DYNC2H1: variants seen among roughly 807,000 people sequenced by gnomAD.
DYNC2H1 encodes the protein cytoplasmic dynein 2 heavy chain 1.
A neutral mutation model predicts 570.0 loss-of-function variants in DYNC2H1; 410 were observed. The ratio of observed to expected loss-of-function variants is 0.72; its 90% CI spans 0.66 to 0.78. The LOEUF (loss-of-function observed/expected upper bound fraction) is 0.78. DYNC2H1 is among the 30% of genes least tolerant of loss of function. The pLI is 0.00. For synonymous variants in DYNC2H1, 1,688 were observed against 1,677.6 expected, an observed-to-expected ratio of 1.01 and a Z score of -0.15; for missense variants, 4,865 against 5,046.4, an observed-to-expected ratio of 0.96 and a Z score of 1.09.
At chr11:103,150,696 T>A (rs1452006232) in intron 20 of DYNC2H1, among the ~76,000 whole-genome samples, 3 of 152,126 alleles carry the variant, frequency 2.0e-5, no homozygotes, top group African/African-American at 7.2e-5. Context: ...TGGTAGATAA[T>A]AAACAAAGGG....
chr11:103,271,016 G>A (rs560054629), intron 70 of DYNC2H1, among the ~76,000 whole-genome samples: 6 of 152,212 alleles, frequency 3.9e-5, no homozygotes, highest in South Asian at 2.1e-4. Flanking sequence ...TGTCTGTGCC[G>A]CTCACCTTGC....
chr11:103,120,996 A>G lies in DYNC2H1; in HGVS notation c.1320A>G (p.Glu440=). The G allele has an allele frequency of 6.3e-7, 1 of 1,591,228 alleles. No individual in the cohort carries two copies. The highest frequency in any genetic ancestry group is 8.6e-7 in the Non-Finnish European group (1 of 1,169,588). ...CTATAAGCAAAGAATTGATGTTAGAAAGAGAAACTTTACTGGCAAGACTTG... is the reference window on the plus strand; with the variant it reads ...CTATAAGCAAAGAATTGATGTTAGAGAGAGAAACTTTACTGGCAAGACTTG... ...RPTISKELML[E]RETLLARLVD... is the part of the protein sequence containing the mutation. Residue 440 remains glutamate (E), a synonymous_variant, in exon 9 of 89, where the codon GAA becomes GAG. Coordinates refer to ENST00000375735, the MANE Select transcript of DYNC2H1 (RefSeq NM_001377.3).
At chr11:103,153,243 T>C (rs1860653031) in intron 21 of DYNC2H1, 60 bp from the exon 22 acceptor site, 6 of 1,399,802 alleles carry the variant, frequency 4.3e-6, no homozygotes, top group Non-Finnish European at 5.7e-6. Flanking sequence ...GAAAGAAAAG[T>C]ATGAACCCAA....
rs568462637 is a variant in DYNC2H1 at position 103,430,508 on chromosome 11, T to C, written c.12367-5435T>C. On this transcript the variant is annotated intron_variant, in intron 84 of 88. Coordinates refer to ENST00000375735, the MANE Select transcript of DYNC2H1 (RefSeq NM_001377.3). The stretch of plus-strand genomic sequence containing the variant: ...TTAACTCACCTCCCTGATTGCAGTT[T>C]CGTCTTCCTAATGTTGTTCTTCCCA... Among the ~76,000 whole-genome samples, 10 of 152,256 alleles carry C rather than the reference T, an allele frequency of 6.6e-5. No individual in the cohort carries two copies. The East Asian group carries it at 1.9e-3, about 29-fold the overall frequency.
rs993524832 is a variant in DYNC2H1, at chr11:103,275,678, T to G, written c.10696-4670T>G. ...TGTACGTTTAAGGTTCTTTCATGTTTTTTTCATGGTGTAATATCTCATTTC... is the reference window on the plus strand; with the variant it reads ...TGTACGTTTAAGGTTCTTTCATGTTGTTTTCATGGTGTAATATCTCATTTC... On this transcript the variant is annotated intron_variant, in intron 70 of 88. Coordinates refer to ENST00000375735, the MANE Select transcript of DYNC2H1 (RefSeq NM_001377.3). The surrounding 1 kb of genome is among the most constrained non-coding windows in gnomAD (Gnocchi z 4.8). Among the ~76,000 whole-genome samples the G allele has an allele frequency of 2.0e-5, 3 of 152,206 alleles. No homozygotes were observed. Among genetic ancestry groups the G allele is most frequent in the Non-Finnish European group, 4.4e-5 (3 of 68,034 alleles).
Position 103,129,274 on chromosome 11 carries a change from T to G in DYNC2H1, c.1953+269T>G, listed in dbSNP as rs936058016. ...TGTATGATGTTATGTTCATTTATCCTCTGAAGTTTGAGGTCCTTATACACA... is the reference window on the plus strand; with the variant it reads ...TGTATGATGTTATGTTCATTTATCCGCTGAAGTTTGAGGTCCTTATACACA... On this transcript the variant is annotated intron_variant, in intron 13 of 88. Coordinates refer to ENST00000375735, the MANE Select transcript of DYNC2H1 (RefSeq NM_001377.3). The surrounding 1 kb of genome is among the most constrained non-coding windows in gnomAD (Gnocchi z 4.1). Among the ~76,000 whole-genome samples, 2 of 152,226 alleles carry G rather than the reference T, an allele frequency of 1.3e-5. No individual in the cohort carries two copies. The highest frequency in any genetic ancestry group is 1.3e-4 in the Admixed American group (2 of 15,282).
At position 103,393,515 on chromosome 11, in the gene DYNC2H1, A is replaced by G. The variant is rs573471781; in HGVS notation, c.12157-6148A>G. 1.8e-4 allele frequency among the ~76,000 whole-genome samples: 27 copies of G among 152,338 alleles called. No homozygotes were observed. In the Middle Eastern group the frequency reaches 0.017, roughly 96 times the overall value. On this transcript the variant is annotated intron_variant, in intron 83 of 88. Coordinates refer to ENST00000375735, the MANE Select transcript of DYNC2H1 (RefSeq NM_001377.3). ...TGCTTTAAAATTATTTACTCATTTC[A>G]TATGCCTTGAAAGTTTCATAGTTTT...
intron 65 of DYNC2H1, among the ~76,000 whole-genome samples, chr11:103,248,668 T>C (rs1864714983): frequency 6.6e-6 from 1 of 152,068 alleles, no homozygotes; most frequent in African/African-American, 2.4e-5. Context: ...CACCCCTGCC[T>C]GGTGTAAAAA....
chr11:103,226,817 T>C (rs780868702), intron 59 of DYNC2H1, among the ~76,000 whole-genome samples: 2 of 152,100 alleles, frequency 1.3e-5, no homozygotes, highest in African/African-American at 2.4e-5. Flanking sequence ...TCTTATAGAA[T>C]TAAGCTGTGA....
chr11:103,216,015 G>T, intron 55 of DYNC2H1, 157 bp downstream of exon 55: 4 of 887,950 alleles, frequency 4.5e-6, no homozygotes, highest in Non-Finnish European at 6.5e-6. Flanking sequence ...TTTGTGGAAG[G>T]GCATGGTATT....
In DYNC2H1 at chr11:103,134,301, C is replaced by T; in HGVS notation, c.2107-20C>T. On this transcript the variant is annotated intron_variant, in intron 14 of 88. Coordinates refer to ENST00000375735, the MANE Select transcript of DYNC2H1 (RefSeq NM_001377.3). ...TTTTCCAGCAATACTTTGAGACTAG[C>T]ATGCTCTAATTTTTCATAGGTGGTT... is the stretch of plus-strand genomic sequence containing the variant. The T allele has an allele frequency of 6.2e-7, 1 of 1,607,656 alleles. No individual in the cohort carries two copies. Among genetic ancestry groups the T allele is most frequent in the Non-Finnish European group, 8.5e-7 (1 of 1,174,798 alleles).
In DYNC2H1 at chr11:103,245,597, C is replaced by T. The variant is rs538473010; in HGVS notation, c.10042+223C>T. 4.1e-4 allele frequency among the ~76,000 whole-genome samples: 62 copies of T among 152,122 alleles called. No homozygotes were observed. The highest frequency in any genetic ancestry group is 1.3e-3 in the Admixed American group (20 of 15,256). On this transcript the variant is annotated intron_variant, in intron 65 of 88. Transcript: ENST00000375735. This position sits in a 1 kb window ranked among gnomAD's most constrained non-coding sequence, Gnocchi z 4.5. The stretch of plus-strand genomic sequence containing the variant: ...CCCATAGTTTACTGGGGGTTGATTA[C>T]GTAAGCACACTCTCCCTAGCACATT...
At chr11:103,466,984 C>A (rs1336415065) in intron 87 of DYNC2H1, among the ~76,000 whole-genome samples, 1 of 151,696 alleles carries the variant, frequency 6.6e-6, no homozygotes, top group African/African-American at 2.4e-5. Flanking sequence ...AAATATTCAC[C>A]AGCAGAAAAA....
intron 1 of DYNC2H1, among the ~76,000 whole-genome samples, chr11:103,112,775 G>C (rs1317723994): frequency 6.6e-6 from 1 of 152,040 alleles, no homozygotes. Context: ...TTCTTTTCCT[G>C]AAAAAAGAAA....
intron 83 of DYNC2H1, among the ~76,000 whole-genome samples, chr11:103,389,419 T>C (rs1942036686): frequency 6.6e-6 from 1 of 152,242 alleles, no homozygotes; most frequent in Admixed American, 6.5e-5. Context: ...TAGCAGTCTA[T>C]CAATTTTGTT....
At chr11:103,453,435 TTTG>T (rs1254323104) in intron 85 of DYNC2H1, among the ~76,000 whole-genome samples, 1 of 151,840 alleles carries the variant, frequency 6.6e-6, no homozygotes, top group Non-Finnish European at 1.5e-5. Flanking sequence ...TAAAATAATC[TTTG>T]TTATTTATTT....
At chr11:103,399,036 G>T (rs1942510098) in intron 83 of DYNC2H1, among the ~76,000 whole-genome samples, 1 of 151,390 alleles carries the variant, frequency 6.6e-6, no homozygotes, top group South Asian at 2.1e-4. Context: ...TGATCTCTTT[G>T]CATTGACTTA....
At chr11:103,391,425 C>T (rs928583867) in intron 83 of DYNC2H1, among the ~76,000 whole-genome samples, 6 of 152,118 alleles carry the variant, frequency 3.9e-5, no homozygotes, top group Non-Finnish European at 7.3e-5. Flanking sequence ...TTTTTAGCTT[C>T]TTTGCGATGG....
At chr11:103,122,337 T>G (rs1402780712) in intron 10 of DYNC2H1, among the ~76,000 whole-genome samples, 1 of 152,250 alleles carries the variant, frequency 6.6e-6, no homozygotes, top group Non-Finnish European at 1.5e-5. Context: ...GCCTAATGTT[T>G]CTGTCAGTCA....
Sources: gnomAD v4.1 joint callset for allele counts (sites outside exome capture counted in the v4.1 genomes callset) on GRCh38, gnomAD v4.1.1 for gene constraint, Gnocchi (gnomAD v3.1) non-coding constraint, MANE v1.5 for transcripts, NCBI Gene and HGNC (gene_info 2026-07-23, HGNC 2026-07-21) for gene names.